ROCK1: variants seen among roughly 807,000 people sequenced by gnomAD.
ROCK1 encodes rho-associated protein kinase 1.
Under a neutral mutation model 196.8 loss-of-function variants are expected in ROCK1, and 36 were observed. The ratio of observed to expected loss-of-function variants is 0.18; its 90% CI spans 0.14 to 0.24. The LOEUF (loss-of-function observed/expected upper bound fraction) is 0.24, where lower values mean the gene tolerates loss of function less well. Among genes scored for constraint, ROCK1 ranks in the 10% least tolerant of loss-of-function variants. The probability of loss-of-function intolerance (pLI) is 1.00; values close to 1 mark genes in which losing one functional copy is unlikely to be tolerated. For missense variants in ROCK1, 920 were observed against 1,562.0 expected (o/e 0.59, Z 6.93); for synonymous variants, 443 against 515.9 (o/e 0.86, Z 1.91).
chr18:21,009,760 G>A (rs2035800521), intron 13 of ROCK1, among the ~76,000 whole-genome samples: 1 of 152,110 alleles, frequency 6.6e-6, no homozygotes, highest in African/African-American at 2.4e-5. Context: ...TGGTTATGGA[G>A]TAATATTTCA....
intron 5 of ROCK1, 100 bp from the exon 6 acceptor site, chr18:21,044,286 G>A: frequency 1.3e-6 from 1 of 767,302 alleles, no homozygotes; most frequent in Non-Finnish European, 2.2e-6. Context: ...CTCAATCTAG[G>A]TAAGGCCATC....
chr18:20,979,183 C>G (rs779167421), intron 22 of ROCK1, among the ~76,000 whole-genome samples: 5 of 152,134 alleles, frequency 3.3e-5, no homozygotes, highest in Non-Finnish European at 5.9e-5. Flanking sequence ...CTCACCTTAG[C>G]CTCCCAAAAT....
chr18:20,987,813 A>C (rs183710381), intron 18 of ROCK1, among the ~76,000 whole-genome samples: 1 of 152,268 alleles, frequency 6.6e-6, no homozygotes, highest in East Asian at 1.9e-4. Flanking sequence ...CTTTCCCCCC[A>C]AACTTACAAA....
intron 8 of ROCK1, 73 bp from the exon 9 acceptor site, chr18:21,039,636 G>A (rs2036087947): frequency 5.7e-6 from 6 of 1,048,774 alleles, no homozygotes; most frequent in African/African-American, 1.6e-5. Flanking sequence ...GTTTATTTGT[G>A]GGCAGGATAT....
At chr18:21,039,428 C>T (rs747606396) in intron 9 of ROCK1, 44 bp downstream of exon 9, 26 of 1,408,828 alleles carry the variant, frequency 1.8e-5, no homozygotes, top group East Asian at 4.6e-5. Flanking sequence ...ACCACAACTA[C>T]TTTCAAATAT....
At chr18:21,048,832 G>A (rs1467152087) in intron 4 of ROCK1, among the ~76,000 whole-genome samples, 1 of 152,168 alleles carries the variant, frequency 6.6e-6, no homozygotes. Flanking sequence ...TAACAGGCAT[G>A]AGCCATCACG....
chr18:20,968,590 G>A, intron 25 of ROCK1, 182 bp downstream of exon 25: 1 of 542,354 alleles, frequency 1.8e-6, no homozygotes, highest in Non-Finnish European at 3.3e-6. Context: ...ACAGGCATGA[G>A]CCACCGCGCC....
intron 16 of ROCK1, among the ~76,000 whole-genome samples, chr18:20,995,003 A>T (rs2035658485): frequency 6.6e-6 from 1 of 152,170 alleles, no homozygotes; most frequent in South Asian, 2.1e-4. Context: ...AACCACACTA[A>T]CAATAAAGAA....
At position 20,984,472 on chromosome 18, in the gene ROCK1, A is replaced by C. The variant is rs148551651; in HGVS notation, c.2368T>G (p.Leu790Val). 3 of 1,613,472 alleles carry C rather than the reference A, an allele frequency of 1.9e-6. No individual in the cohort carries two copies. The highest frequency in any genetic ancestry group is 2.5e-6 in the Non-Finnish European group (3 of 1,179,846). ...TCTGCCTCAAATGCTTGAGTCTTCAATTCATTTTGTAACAACAGCCGCTTA... is the reference window on the plus strand; with the variant it reads ...TCTGCCTCAAATGCTTGAGTCTTCACTTCATTTTGTAACAACAGCCGCTTA... ...SNKRLLLQNE[L>V]KTQAFEADNL... is the part of the protein sequence containing the mutation. The change falls in exon 20 of 33, where the codon TTG becomes GTG. Residue 790 changes from leucine to valine, a missense_variant. Around this residue, in one of 6 missense-constraint regions of ROCK1, gnomAD observed 520 missense variants for 657.1 expected, o/e 0.79. Coordinates refer to ENST00000399799, the MANE Select transcript of ROCK1 (RefSeq NM_005406.3).
At chr18:20,998,419 T>C (rs1169409330) in intron 16 of ROCK1, among the ~76,000 whole-genome samples, 1 of 151,722 alleles carries the variant, frequency 6.6e-6, no homozygotes, top group African/African-American at 2.4e-5. Context: ...AAACCCAAAA[T>C]TAGTAGAAGA....
At chr18:21,007,233 G>A (rs2035776208) in intron 14 of ROCK1, among the ~76,000 whole-genome samples, 1 of 151,862 alleles carries the variant, frequency 6.6e-6, no homozygotes, top group African/African-American at 2.4e-5. Flanking sequence ...CCCTTAACTG[G>A]CTCTCCTCCC....
intron 1 of ROCK1, among the ~76,000 whole-genome samples, chr18:21,101,562 A>G (rs1435865901): frequency 2.0e-5 from 3 of 152,224 alleles, no homozygotes; most frequent in Non-Finnish European, 4.4e-5. Context: ...TAAAAAGAAA[A>G]ATCCAGAATG....
At chr18:21,026,445 GAAAAA>G (rs747563785) in intron 10 of ROCK1, among the ~76,000 whole-genome samples, 1 of 35,308 alleles carries the variant, frequency 2.8e-5, no homozygotes, top group Non-Finnish European at 5.9e-5. Flanking sequence ...ACTCTGTCTC[GAAAAA>G]AAAAAAAAAA....
chr18:21,090,330 T>C (rs1162714741), intron 1 of ROCK1, among the ~76,000 whole-genome samples: 2 of 152,110 alleles, frequency 1.3e-5, no homozygotes, highest in African/African-American at 4.8e-5. Context: ...CAGGTAAAAT[T>C]AGCATGCCTG....
intron 29 of ROCK1, among the ~76,000 whole-genome samples, chr18:20,959,105 A>ATATATTATATAATATATATATAT (rs1568367428): frequency 2.9e-5 from 1 of 33,924 alleles, no homozygotes; most frequent in African/African-American, 2.3e-4. Context: ...TATATATATT[A>ATATATTATATAATATATATATAT]TATATATATT....
chr18:20,968,893 G>T, intron 24 of ROCK1, 33 bp from the exon 25 acceptor site: 1 of 1,333,938 alleles, frequency 7.5e-7, no homozygotes, highest in Non-Finnish European at 1.1e-6. Context: ...GTTATTGTAT[G>T]GTATTAATTT....
chr18:21,022,213 G>A (rs2143466185), intron 11 of ROCK1, among the ~76,000 whole-genome samples: 1 of 152,174 alleles, frequency 6.6e-6, no homozygotes, highest in East Asian at 1.9e-4. Flanking sequence ...TCTAGGAATG[G>A]ACAGATAATT....
intron 15 of ROCK1, 36 bp downstream of exon 15, chr18:21,006,663 A>AT (rs869182781): frequency 1.3e-6 from 2 of 1,582,156 alleles, no homozygotes; most frequent in Non-Finnish European, 1.7e-6. Flanking sequence ...ATTATCTACA[A>AT]TTTTTTTAAA....
chr18:21,015,524 T>C, intron 12 of ROCK1, 45 bp from the exon 13 acceptor site: 1 of 1,195,352 alleles, frequency 8.4e-7, no homozygotes, highest in Non-Finnish European at 1.2e-6. Flanking sequence ...ACGTATTTCT[T>C]ATTGCCCAGT....
Sources: allele counts gnomAD v4.1 joint callset (sites outside exome capture counted in the v4.1 genomes callset), GRCh38; gene constraint gnomAD v4.1.1; regional missense constraint gnomAD v4.1.1; transcripts MANE v1.5; gene names NCBI Gene and HGNC (gene_info 2026-07-23, HGNC 2026-07-21).